Variants in ACYP2 observed in about 807,000 individuals in gnomAD.
ACYP2 encodes the protein acylphosphatase-2.
ACYP2 carries 12 observed loss-of-function variants against 11.2 expected under a neutral mutation model. That is an observed-to-expected ratio of 1.08 (90% CI 0.69 to 1.74). ACYP2 has a LOEUF of 1.74. ACYP2 is among the 40% of genes most tolerant of loss of function. The pLI is 0.00. For synonymous variants in ACYP2, 43 were observed against 32.2 expected, an observed-to-expected ratio of 1.33 and a Z score of -1.13; for missense variants, 134 against 101.9, an observed-to-expected ratio of 1.31 and a Z score of -1.35.
chr2:54,035,608 A>T (rs1044617209), intron 2 of ACYP2, among the ~76,000 whole-genome samples: 1 of 152,104 alleles, frequency 6.6e-6, no homozygotes, highest in African/African-American at 2.4e-5. Flanking sequence ...TCTTTTGAGT[A>T]GTGGTATTAA....
chr2:54,130,394 G>C (rs960070487), intron 4 of ACYP2, among the ~76,000 whole-genome samples: 3 of 152,128 alleles, frequency 2.0e-5, no homozygotes, highest in African/African-American at 7.2e-5. Context: ...TAGGATATGA[G>C]GTAGAGGAAT....
chr2:54,146,432 A>G (rs538196229), intron 6 of ACYP2, among the ~76,000 whole-genome samples: 1 of 143,798 alleles, frequency 7.0e-6, no homozygotes, highest in East Asian at 2.0e-4. Context: ...TATGGACCTG[A>G]TCCTCTATTT....
intron 6 of ACYP2, among the ~76,000 whole-genome samples, chr2:54,147,116 T>G (rs1681932672): frequency 6.6e-6 from 1 of 152,146 alleles, no homozygotes; most frequent in Admixed American, 6.5e-5. Flanking sequence ...TTGTTTCTAT[T>G]TCTTCTAAGT....
At chr2:53,974,100 G>A (rs1180743791) in intron 2 of ACYP2, among the ~76,000 whole-genome samples, 1 of 151,150 alleles carries the variant, frequency 6.6e-6, no homozygotes, top group African/African-American at 2.4e-5. Flanking sequence ...ATTTTTAGTA[G>A]AGACAGGCTT....
chr2:54,160,891 C>A (rs780934309), intron 6 of ACYP2, among the ~76,000 whole-genome samples: 1 of 152,124 alleles, frequency 6.6e-6, no homozygotes, highest in African/African-American at 2.4e-5. Context: ...GATTAATTAA[C>A]CATATCATAC....
At chr2:54,038,057 T>C (rs1195304584) in intron 2 of ACYP2, among the ~76,000 whole-genome samples, 1 of 152,214 alleles carries the variant, frequency 6.6e-6, no homozygotes, top group Non-Finnish European at 1.5e-5. Context: ...ACACCTTCCC[T>C]TATATAATAA....
At chr2:54,209,897 G>T (rs7602930) in intron 6 of ACYP2, among the ~76,000 whole-genome samples, 36,398 of 151,904 alleles carry the variant, frequency 0.24, 4,525 homozygotes, top group East Asian at 0.37. Context: ...TCCCAGCACT[G>T]TGGGAGGCTG....
At chr2:54,081,860 G>A (rs55930424) in intron 4 of ACYP2, among the ~76,000 whole-genome samples, 25,424 of 152,148 alleles carry the variant, frequency 0.17, 2,274 homozygotes, top group South Asian at 0.25. Context: ...TGGCCTCACC[G>A]TCATGACTGG....
At chr2:54,189,976 A>T (rs1319752310) in intron 6 of ACYP2, among the ~76,000 whole-genome samples, 1 of 152,152 alleles carries the variant, frequency 6.6e-6, no homozygotes, top group East Asian at 1.9e-4. Context: ...ATCTTTTCGT[A>T]TACCTGTTGG....
At chr2:54,125,220 A>G (rs1463542120) in intron 4 of ACYP2, among the ~76,000 whole-genome samples, 1 of 152,084 alleles carries the variant, frequency 6.6e-6, no homozygotes, top group Non-Finnish European at 1.5e-5. Flanking sequence ...TCTATAAAAC[A>G]ACCAATTTGA....
intron 2 of ACYP2, among the ~76,000 whole-genome samples, chr2:54,000,095 A>C (rs1050081265): frequency 1.3e-5 from 2 of 151,732 alleles, no homozygotes; most frequent in East Asian, 3.8e-4. Flanking sequence ...TATAATAGAA[A>C]TTTCTATATA....
At chr2:54,019,386 A>AT (rs574293805) in intron 2 of ACYP2, among the ~76,000 whole-genome samples, 428 of 148,728 alleles carry the variant, frequency 2.9e-3, no homozygotes, top group Non-Finnish European at 4.7e-3. Flanking sequence ...TTTTAATTTT[A>AT]TTTTTTTTGA....
intron 4 of ACYP2, among the ~76,000 whole-genome samples, chr2:54,075,813 A>C (rs79966237): frequency 6.8e-6 from 1 of 147,346 alleles, no homozygotes; most frequent in South Asian, 2.2e-4. Flanking sequence ...ACTCCATCTC[A>C]AAAAAAAAAA....
intron 4 of ACYP2, among the ~76,000 whole-genome samples, chr2:54,117,202 A>C (rs1679860933): frequency 6.6e-6 from 1 of 152,228 alleles, no homozygotes; most frequent in Non-Finnish European, 1.5e-5. Flanking sequence ...TTATTATTGA[A>C]ATTATTATTA....
chr2:54,173,512 A>G lies in ACYP2; in HGVS notation c.404+34764A>G, dbSNP rs1683305669. 2.0e-5 allele frequency among the ~76,000 whole-genome samples: 3 copies of G among 152,166 alleles called. No homozygotes were observed. The South Asian group carries it at 6.2e-4, about 32-fold the overall frequency. On this transcript the variant is annotated intron_variant, in intron 6 of 6. Transcript: ENST00000607452. ...TAGGTTGCCTTTTCACTCTGATGGTAGTTTCTTTTGATGTGCAGCTCTTTA... is the reference window on the plus strand; with the variant it reads ...TAGGTTGCCTTTTCACTCTGATGGTGGTTTCTTTTGATGTGCAGCTCTTTA...
intron 6 of ACYP2, among the ~76,000 whole-genome samples, chr2:54,278,982 T>G (rs1688731566): frequency 6.6e-6 from 1 of 152,186 alleles, no homozygotes; most frequent in Non-Finnish European, 1.5e-5. Context: ...ATGTCTGTGA[T>G]GTACAGTCAT....
At position 54,289,809 on chromosome 2, in the gene ACYP2, G is replaced by T. The variant is rs1218256524; in HGVS notation, c.405-14879G>T. The stretch of plus-strand genomic sequence containing the variant: ...AAAAGGTAGCCATTTCCCTAACAAT[G>T]AGACATGTCCATAAAGAAGGGCTTC... On this transcript the variant is annotated intron_variant, in intron 6 of 6. Transcript: ENST00000607452. 2.0e-5 allele frequency among the ~76,000 whole-genome samples: 3 copies of T among 151,758 alleles called. No individual in the cohort carries two copies. The East Asian group carries it at 5.8e-4, about 29-fold the overall frequency.
At chr2:54,058,590 C>T (rs1388496942) in intron 4 of ACYP2, among the ~76,000 whole-genome samples, 2 of 152,020 alleles carry the variant, frequency 1.3e-5, no homozygotes, top group Admixed American at 6.6e-5. Flanking sequence ...ACTTTGACTA[C>T]TTATCCTTCA....
chr2:54,109,385 CACAGTGG>C (rs1679336635), intron 4 of ACYP2, among the ~76,000 whole-genome samples: 1 of 151,682 alleles, frequency 6.6e-6, no homozygotes, highest in Non-Finnish European at 1.5e-5. Flanking sequence ...ATAAAAATGA[CACAGTGG>C]ACTTTGGATA....
Sources: allele counts gnomAD v4.1 joint callset (sites outside exome capture counted in the v4.1 genomes callset), GRCh38; gene constraint gnomAD v4.1.1; transcripts MANE v1.5; gene names NCBI Gene and HGNC (gene_info 2026-07-23, HGNC 2026-07-21).